Variants in CYP7B1 observed in about 807,000 individuals in gnomAD.
The protein encoded by CYP7B1 is cytochrome P450 7B1.
A neutral mutation model predicts 42.7 loss-of-function variants in CYP7B1; 29 were observed. The ratio of observed to expected loss-of-function variants is 0.68; its 90% CI spans 0.51 to 0.93. The LOEUF (loss-of-function observed/expected upper bound fraction) is 0.93, where lower values mean the gene tolerates loss of function less well. CYP7B1 is among the 40% of genes least tolerant of loss of function. The pLI, the probability that CYP7B1 is intolerant of heterozygous loss-of-function variation, is 0.00. For missense variants in CYP7B1, 655 were observed against 600.5 expected, an observed-to-expected ratio of 1.09 and a Z score of -0.95; for synonymous variants, 235 against 218.2, an observed-to-expected ratio of 1.08 and a Z score of -0.68.
At chr8:64,709,141 G>C (rs891872446) in intron 1 of CYP7B1, among the ~76,000 whole-genome samples, 7 of 152,176 alleles carry the variant, frequency 4.6e-5, no homozygotes, top group African/African-American at 1.4e-4. Flanking sequence ...ATCCTCCTGG[G>C]AAGGGGTGTG....
intron 1 of CYP7B1, among the ~76,000 whole-genome samples, chr8:64,628,401 C>A (rs1207072055): frequency 6.6e-6 from 1 of 152,136 alleles, no homozygotes. Context: ...GTAATCCCAA[C>A]ACTTTGGGAG....
At chr8:64,754,839 G>T (rs1807783606) in intron 1 of CYP7B1, among the ~76,000 whole-genome samples, 1 of 152,212 alleles carries the variant, frequency 6.6e-6, no homozygotes, top group South Asian at 2.1e-4. Context: ...GGAAAGCAGA[G>T]AGCTGAGGAT....
intron 1 of CYP7B1, among the ~76,000 whole-genome samples, chr8:64,655,173 G>C (rs1291637604): frequency 2.0e-5 from 3 of 152,068 alleles, no homozygotes; most frequent in African/African-American, 4.8e-5. Context: ...TGACAAACAG[G>C]ATCTAAGTAA....
At chr8:64,614,041 C>T (rs62521079) in intron 4 of CYP7B1, among the ~76,000 whole-genome samples, 11,592 of 152,160 alleles carry the variant, frequency 0.076, 500 homozygotes, top group Non-Finnish European at 0.1. Flanking sequence ...TTTGTTCCTG[C>T]GTTTGTCTAA....
chr8:64,774,843 C>T (rs920662708), intron 1 of CYP7B1, among the ~76,000 whole-genome samples: 1 of 152,120 alleles, frequency 6.6e-6, no homozygotes, highest in African/African-American at 2.4e-5. Context: ...TTCTTCTATC[C>T]TCAGAGGTAA....
intron 1 of CYP7B1, among the ~76,000 whole-genome samples, chr8:64,654,918 A>C (rs2129631280): frequency 6.6e-6 from 1 of 152,284 alleles, no homozygotes; most frequent in South Asian, 2.1e-4. Flanking sequence ...ACAAGCAATG[A>C]GGAAAACATT....
chr8:64,619,982 G>C (rs1805502892), intron 2 of CYP7B1, among the ~76,000 whole-genome samples: 1 of 151,982 alleles, frequency 6.6e-6, no homozygotes, highest in African/African-American at 2.4e-5. Context: ...AGGAGTTCAA[G>C]ACCAACCTGG....
intron 1 of CYP7B1, among the ~76,000 whole-genome samples, chr8:64,656,761 A>G (rs1806126634): frequency 6.6e-6 from 1 of 152,178 alleles, no homozygotes; most frequent in Non-Finnish European, 1.5e-5. Flanking sequence ...TCTGAATTCT[A>G]TTTATTGATG....
At chr8:64,634,766 T>G (rs2129630808) in intron 1 of CYP7B1, among the ~76,000 whole-genome samples, 1 of 152,048 alleles carries the variant, frequency 6.6e-6, no homozygotes, top group Middle Eastern at 3.4e-3. Flanking sequence ...CAGCCTGAAA[T>G]TCACCATGAG....
chr8:64,704,909 A>T (rs1806970844), intron 1 of CYP7B1, among the ~76,000 whole-genome samples: 1 of 151,892 alleles, frequency 6.6e-6, no homozygotes, highest in South Asian at 2.1e-4. Flanking sequence ...AATCAACTAC[A>T]CTTACTTAGT....
chr8:64,721,588 T>C (rs1022239381), intron 1 of CYP7B1, among the ~76,000 whole-genome samples: 1 of 152,190 alleles, frequency 6.6e-6, no homozygotes, highest in Non-Finnish European at 1.5e-5. Context: ...TGATGCACAG[T>C]ATTAGCGATA....
chr8:64,737,193 C>A (rs1476896450), intron 1 of CYP7B1, among the ~76,000 whole-genome samples: 2 of 152,156 alleles, frequency 1.3e-5, no homozygotes, highest in Non-Finnish European at 2.9e-5. Flanking sequence ...ACCTTGAACT[C>A]CTGGACTCAA....
At chr8:64,686,095 G>C (rs1367594287) in intron 1 of CYP7B1, among the ~76,000 whole-genome samples, 6 of 122,474 alleles carry the variant, frequency 4.9e-5, no homozygotes, top group African/African-American at 1.6e-4. Context: ...CCGTCCGGGA[G>C]GGAGGTGGGG....
At chr8:64,636,302 C>G (rs1382495820) in intron 1 of CYP7B1, among the ~76,000 whole-genome samples, 1 of 152,098 alleles carries the variant, frequency 6.6e-6, no homozygotes, top group African/African-American at 2.4e-5. Context: ...TAACTTTGGT[C>G]CATTTAATTA....
downstream of CYP7B1, among the ~76,000 whole-genome samples, chr8:64,589,372 A>G (rs1441231951): frequency 6.6e-6 from 1 of 152,230 alleles, no homozygotes; most frequent in Non-Finnish European, 1.5e-5. Flanking sequence ...ACTTAGTTCA[A>G]AATAAAAAGT....
intron 1 of CYP7B1, among the ~76,000 whole-genome samples, chr8:64,639,416 T>G (rs1391405003): frequency 6.6e-6 from 1 of 151,934 alleles, no homozygotes; most frequent in Admixed American, 6.6e-5. Flanking sequence ...GCCTTATAAC[T>G]ATAGGGAGAC....
chr8:64,786,225 C>T (rs1804524193), intron 1 of CYP7B1, among the ~76,000 whole-genome samples: 1 of 152,114 alleles, frequency 6.6e-6, no homozygotes, highest in Non-Finnish European at 1.5e-5. Context: ...TTCAACAGTC[C>T]CCCAAAGTCT....
chr8:64,723,324 TC>T (rs1418757717), intron 1 of CYP7B1, among the ~76,000 whole-genome samples: 1 of 152,178 alleles, frequency 6.6e-6, no homozygotes, highest in Non-Finnish European at 1.5e-5. Context: ...CTCCTATCAT[TC>T]TATAATGACA....
chr8:64,656,126 T>C (rs139311330), intron 1 of CYP7B1, among the ~76,000 whole-genome samples: 3 of 152,308 alleles, frequency 2.0e-5, no homozygotes, highest in Non-Finnish European at 4.4e-5. Flanking sequence ...AGTTTACCTA[T>C]GTAACAAACC....
Sources: gnomAD v4.1 joint callset for allele counts (sites outside exome capture counted in the v4.1 genomes callset) on GRCh38, gnomAD v4.1.1 for gene constraint, MANE v1.5 for transcripts, NCBI Gene and HGNC (gene_info 2026-07-23, HGNC 2026-07-21) for gene names.